MEIS2: variants seen among roughly 807,000 people sequenced by gnomAD.
The protein encoded by MEIS2 is Meis homeobox 2.
In MEIS2, 9 loss-of-function variants were observed where a neutral mutation model predicts 58.6. The observed-to-expected ratio is 0.15, with a 90% CI of 0.09 to 0.27. MEIS2 has a LOEUF of 0.27. Among genes scored for constraint, MEIS2 ranks in the 10% least tolerant of loss-of-function variants. The probability of loss-of-function intolerance (pLI) is 1.00; values close to 1 mark genes in which losing one functional copy is unlikely to be tolerated. For missense variants in MEIS2, 427 were observed against 635.0 expected, an observed-to-expected ratio of 0.67 and a Z score of 3.52; for synonymous variants, 221 against 228.4, an observed-to-expected ratio of 0.97 and a Z score of 0.29.
chr15:36,930,202 T>TAAAAAAA (rs370695754), intron 9 of MEIS2, among the ~76,000 whole-genome samples: 1 of 94,302 alleles, frequency 1.1e-5, no homozygotes, highest in African/African-American at 4.3e-5. Context: ...GACTCAGTCT[T>TAAAAAAA]AAAAAAAAAA....
At chr15:36,950,211 G>A (rs2058707290) in intron 9 of MEIS2, 113 bp downstream of exon 9, 1 of 938,832 alleles carries the variant, frequency 1.1e-6, no homozygotes, top group Non-Finnish European at 1.6e-6. Flanking sequence ...AAACACAGAA[G>A]TTATCCTCCT....
intron 8 of MEIS2, among the ~76,000 whole-genome samples, chr15:36,975,290 G>T (rs761428235): frequency 2.2e-4 from 33 of 152,062 alleles, no homozygotes; most frequent in Admixed American, 4.6e-4. Context: ...TTGAATTCCA[G>T]AATACTGAAG....
chr15:36,928,911 T>G (rs1457777507), intron 9 of MEIS2, among the ~76,000 whole-genome samples: 1 of 151,888 alleles, frequency 6.6e-6, no homozygotes, highest in Non-Finnish European at 1.5e-5. Context: ...TGGCACTGCT[T>G]ATAAAAAAAG....
intron 9 of MEIS2, among the ~76,000 whole-genome samples, chr15:36,930,486 T>C (rs1003341825): frequency 1.3e-5 from 2 of 152,116 alleles, no homozygotes; most frequent in African/African-American, 4.8e-5. Context: ...GGTGCAAACA[T>C]ATAGGTTTAA....
chr15:36,995,975 A>ATG (rs2060486538), intron 8 of MEIS2, among the ~76,000 whole-genome samples: 1 of 10,518 alleles, frequency 9.5e-5, no homozygotes, highest in Non-Finnish European at 5.9e-4. Flanking sequence ...ATATATATAT[A>ATG]TATATATATA....
chr15:37,098,152 G>C lies in MEIS2; in HGVS notation c.60C>G (p.Pro20=), dbSNP rs776634531. Residue 20 remains proline (P), a synonymous_variant, in exon 2 of 12, where the codon CCC becomes CCG. Transcript: ENST00000561208. ...CGTGAGGGTCTCCGTACATGGAAGC[G>C]GGAACCCCTACTCCGTCCATCCCGC... ...HYGGMDGVGV[P]ASMYGDPHAP... The C allele has an allele frequency of 2.8e-5, 45 of 1,612,056 alleles. No homozygotes were observed. The South Asian group carries it at 4.8e-4, about 17-fold the overall frequency.
chr15:37,091,807 C>A (rs747435953), intron 6 of MEIS2, among the ~76,000 whole-genome samples: 54 of 152,128 alleles, frequency 3.5e-4, no homozygotes, highest in Non-Finnish European at 5.9e-4. Context: ...GTAGTAGGTA[C>A]TCCTAGAAAT....
chr15:37,098,855 G>C, intron 1 of MEIS2: 1 of 953,270 alleles, frequency 1.0e-6, no homozygotes, highest in Non-Finnish European at 1.2e-6. Flanking sequence ...GTGCCTCCCC[G>C]GGGGCAGGGA....
In MEIS2 at chr15:37,084,015, G is replaced by A. The variant is rs1015647782; in HGVS notation, c.640-130C>T. 4.8e-5 allele frequency: 32 copies of A among 671,124 alleles called. No homozygotes were observed. The East Asian group carries it at 5.7e-4, about 12-fold the overall frequency. 41.6% of individuals were successfully genotyped at this position (671,124 alleles called of 1,614,324 possible). A position where few individuals can be genotyped will look rare whatever the true frequency, so the allele number is the denominator to read the frequency against. ...AGTATTTGTGGCAGTAGGCATATAC[G>A]CATGCCATGTTATGGTGTGCTGTCT... On this transcript the variant is annotated intron_variant, in intron 6 of 11. Coordinates refer to ENST00000561208, the MANE Select transcript of MEIS2 (RefSeq NM_170675.5).
chr15:36,923,955 A>C (rs1321785211), intron 9 of MEIS2, among the ~76,000 whole-genome samples: 1 of 152,210 alleles, frequency 6.6e-6, no homozygotes, highest in Non-Finnish European at 1.5e-5. Context: ...TATCCTCTTC[A>C]ATTACTAAAA....
intron 9 of MEIS2, among the ~76,000 whole-genome samples, chr15:36,946,583 G>A (rs1449492199): frequency 1.3e-5 from 2 of 151,922 alleles, no homozygotes; most frequent in Non-Finnish European, 2.9e-5. Flanking sequence ...GCTACTTAAT[G>A]TCTTCTTTAT....
chr15:37,092,067 T>C (rs1893590561), intron 6 of MEIS2, among the ~76,000 whole-genome samples: 2 of 152,242 alleles, frequency 1.3e-5, no homozygotes, highest in African/African-American at 4.8e-5. Flanking sequence ...TGCATCCTTT[T>C]GATTTCATTA....
intron 7 of MEIS2, among the ~76,000 whole-genome samples, chr15:37,058,186 T>C (rs556721476): frequency 6.6e-6 from 1 of 152,120 alleles, no homozygotes; most frequent in Non-Finnish European, 1.5e-5. Flanking sequence ...GGATCGTGCA[T>C]GGGCTTAATT....
chr15:37,072,323 G>A lies in MEIS2; in HGVS notation c.754+11448C>T, dbSNP rs141902289. Among the ~76,000 whole-genome samples, 179 of 152,210 alleles carry A rather than the reference G, an allele frequency of 1.2e-3. 1 individual carries two copies. The East Asian group carries it at 0.026, about 22-fold the overall frequency. ...CCAGCATTTCCCACTGGAAAGTCCTGGTTGTGTAATTCCTGTGGTCTGTGG... is the reference window on the plus strand; with the variant it reads ...CCAGCATTTCCCACTGGAAAGTCCTAGTTGTGTAATTCCTGTGGTCTGTGG... On this transcript the variant is annotated intron_variant, in intron 7 of 11. Transcript: ENST00000561208.
chr15:36,906,471 A>AT (rs1305371644), intron 9 of MEIS2, among the ~76,000 whole-genome samples: 12 of 152,150 alleles, frequency 7.9e-5, no homozygotes. Context: ...TACAAAAGAT[A>AT]TTAAGAGGAT....
intron 8 of MEIS2, among the ~76,000 whole-genome samples, chr15:36,987,788 T>C (rs1436849797): frequency 6.6e-6 from 1 of 152,108 alleles, no homozygotes; most frequent in Non-Finnish European, 1.5e-5. Flanking sequence ...GACCAGTTTT[T>C]TTTTTTTTTA....
intron 9 of MEIS2, chr15:36,896,949 T>G (rs2056209397): frequency 5.4e-6 from 2 of 371,008 alleles, no homozygotes; most frequent in East Asian, 8.9e-5. Flanking sequence ...TCTATTAACT[T>G]CAAATTGTGC....
chr15:37,025,569 G>C (rs1212091478), intron 8 of MEIS2, among the ~76,000 whole-genome samples: 2 of 151,376 alleles, frequency 1.3e-5, no homozygotes, highest in African/African-American at 4.9e-5. Context: ...CATTTCTATT[G>C]TCTGCTCCAA....
intron 8 of MEIS2, among the ~76,000 whole-genome samples, chr15:36,957,289 C>G (rs1215749807): frequency 6.6e-6 from 1 of 151,994 alleles, no homozygotes; most frequent in Non-Finnish European, 1.5e-5. Context: ...AATCAAAATA[C>G]CTGAAAAACA....
Sources: allele counts gnomAD v4.1 joint callset (sites outside exome capture counted in the v4.1 genomes callset), GRCh38; gene constraint gnomAD v4.1.1; transcripts MANE v1.5; gene names NCBI Gene and HGNC (gene_info 2026-07-23, HGNC 2026-07-21).